RXYLT1: variants seen among roughly 807,000 people sequenced by gnomAD.
RXYLT1 encodes ribitol-5-phosphate xylosyltransferase 1.
In RXYLT1, 41 loss-of-function variants were observed where a neutral mutation model predicts 43.5. The ratio of observed to expected loss-of-function variants is 0.94; its 90% confidence interval spans 0.73 to 1.22. The LOEUF is 1.22. Ranked by LOEUF, RXYLT1 falls within the 50% of genes most tolerant of loss-of-function variation. The pLI is 0.00. For synonymous variants in RXYLT1, 166 were observed against 194.4 expected (o/e 0.85, Z 1.21); for missense variants, 514 against 532.0 (o/e 0.97, Z 0.33).
intron 5 of RXYLT1, chr12:63,805,879 AC>A (rs1338341191): frequency 1.3e-5 from 2 of 152,496 alleles, no homozygotes; most frequent in African/African-American, 4.8e-5. Flanking sequence ...CACAAAGTAG[AC>A]CTAGGATAAA....
At chr12:63,784,764 A>G (rs1184690724) in intron 2 of RXYLT1, among the ~76,000 whole-genome samples, 1 of 152,160 alleles carries the variant, frequency 6.6e-6, no homozygotes, top group African/African-American at 2.4e-5. Context: ...TTACACACTA[A>G]CAGCTTCTGA....
intron 3 of RXYLT1, among the ~76,000 whole-genome samples, chr12:63,790,926 A>G (rs557801521): frequency 3.9e-5 from 6 of 152,320 alleles, no homozygotes; most frequent in African/African-American, 1.4e-4. Context: ...AATAGTATCT[A>G]ACACACAGTA....
chr12:63,800,279 G>A (rs565181255), intron 3 of RXYLT1, among the ~76,000 whole-genome samples: 2 of 152,122 alleles, frequency 1.3e-5, no homozygotes, highest in Non-Finnish European at 2.9e-5. Flanking sequence ...AGAGTTGTTG[G>A]GGGGGTTAAT....
chr12:63,808,771 A>C lies in RXYLT1; in HGVS notation c.1011A>C (p.Glu337Asp), dbSNP rs745795273. The C allele has an allele frequency of 2.8e-5, 45 of 1,613,252 alleles. No individual in the cohort carries two copies. Among genetic ancestry groups the C allele is most frequent in the Non-Finnish European group, 3.3e-5 (39 of 1,179,928 alleles). ...TGTGCCCGGTCGGAGTAAACACAGA[A>C]TGCTATCGAATCTATGAGGCTTGCT... ...LTLCPVGVNT[E>D]CYRIYEACSY... Residue 337 changes from glutamate (E) to aspartate (D), a missense_variant, in exon 6 of 6, where the codon GAA becomes GAC. By Grantham distance (45) the Glu-to-Asp change is conservative. Transcript: ENST00000261234.
chr12:63,782,256 GA>G (rs575627781), intron 2 of RXYLT1, among the ~76,000 whole-genome samples: 285 of 152,150 alleles, frequency 1.9e-3, no homozygotes, highest in African/African-American at 6.6e-3. Context: ...CAAAAGGGGA[GA>G]AAAATTGAAG....
chr12:63,793,957 CG>C (rs1473786762), intron 3 of RXYLT1, among the ~76,000 whole-genome samples: 1 of 152,120 alleles, frequency 6.6e-6, no homozygotes, highest in African/African-American at 2.4e-5. Context: ...AGAGAAATGC[CG>C]TTGCTTGAAT....
chr12:63,799,302 CTTTTTTT>C (rs11312130), intron 3 of RXYLT1, among the ~76,000 whole-genome samples: 2 of 71,632 alleles, frequency 2.8e-5, no homozygotes, highest in African/African-American at 1.2e-4. Flanking sequence ...CTTTTCTTTT[CTTTTTTT>C]TTTTTTTTTT....
At position 63,780,018 on chromosome 12, in the gene RXYLT1, TC is replaced by T; in HGVS notation, c.61del (p.Leu21SerfsTer68). ...SFLIALYCLF[S>X]LYAAYHVFFG... ...TCTTATCGCCCTGTACTGCCTATTC[TC>T]CCTCTACGCTGCCTACCACGTCTTC... On this transcript the variant is annotated frameshift_variant, in exon 1 of 6. Coordinates refer to ENST00000261234, the MANE Select transcript of RXYLT1 (RefSeq NM_014254.3). LOFTEE classifies it high-confidence loss of function. The T allele has an allele frequency of 6.2e-7, 1 of 1,601,524 alleles. No individual in the cohort carries two copies. Among genetic ancestry groups the T allele is most frequent in the East Asian group, 2.3e-5 (1 of 44,062 alleles).
At chr12:63,805,521 C>A in intron 5 of RXYLT1, 117 bp downstream of exon 5, 1 of 978,518 alleles carries the variant, frequency 1.0e-6, no homozygotes, top group Non-Finnish European at 1.5e-6. Flanking sequence ...AATCTTTCCC[C>A]AGAAGATACA....
chr12:63,792,557 C>T (rs1205781868), intron 3 of RXYLT1, among the ~76,000 whole-genome samples: 1 of 152,192 alleles, frequency 6.6e-6, no homozygotes, highest in African/African-American at 2.4e-5. Flanking sequence ...AGTCTTGTCC[C>T]AGCTCTGCTG....
intron 4 of RXYLT1, among the ~76,000 whole-genome samples, chr12:63,803,070 C>T (rs1189846074): frequency 6.8e-6 from 1 of 148,066 alleles, no homozygotes; most frequent in Non-Finnish European, 1.5e-5. Context: ...GCCTCTAGTC[C>T]TAGCTACTCA....
At chr12:63,791,258 G>T (rs987011714) in intron 3 of RXYLT1, among the ~76,000 whole-genome samples, 1 of 151,988 alleles carries the variant, frequency 6.6e-6, no homozygotes, top group Non-Finnish European at 1.5e-5. Flanking sequence ...TCTGCTCATC[G>T]TGACTTTTGC....
intron 3 of RXYLT1, among the ~76,000 whole-genome samples, chr12:63,787,715 C>A (rs539427685): frequency 4.6e-5 from 7 of 152,094 alleles, no homozygotes; most frequent in Non-Finnish European, 5.9e-5. Context: ...GCAACTTGCG[C>A]CCCTGGGTTC....
At chr12:63,801,643 A>C (rs924499438) in intron 3 of RXYLT1, among the ~76,000 whole-genome samples, 5 of 152,066 alleles carry the variant, frequency 3.3e-5, no homozygotes, top group African/African-American at 1.2e-4. Context: ...AACATGGTGA[A>C]ACCCCATCTC....
chr12:63,783,849 T>A (rs1272113116), intron 2 of RXYLT1, among the ~76,000 whole-genome samples: 1 of 152,124 alleles, frequency 6.6e-6, no homozygotes, highest in African/African-American at 2.4e-5. Flanking sequence ...ATGTGTGGGG[T>A]CTGTGTTACT....
At position 63,805,099 on chromosome 12, in the gene RXYLT1, A is replaced by G. The variant is rs574840660; in HGVS notation, c.744-135A>G. 2.6e-5 allele frequency: 16 copies of G among 607,008 alleles called. 1 individual carries two copies. In the South Asian group the frequency reaches 8.0e-4, roughly 30 times the overall value. 37.6% of individuals were successfully genotyped at this position (607,008 alleles called of 1,614,324 possible). On this transcript the variant is annotated intron_variant, in intron 4 of 5. Coordinates refer to ENST00000261234, the MANE Select transcript of RXYLT1 (RefSeq NM_014254.3). ...AGGGAGTTTTCCAAAGTATTCATGGAAAATTACAATTTGAGATTTAGAAAT... is the reference window on the plus strand; with the variant it reads ...AGGGAGTTTTCCAAAGTATTCATGGGAAATTACAATTTGAGATTTAGAAAT...
rs763579072 is a variant in RXYLT1 at position 63,803,181 on chromosome 12, C to CAAAAAA, written c.743+801_743+806dup. ...ACAGAGTGAGATGAGACTGTCTCAC[C>CAAAAAA]AAAAAAAAAAAAAAAAAAAAAAAAA... is the stretch of plus-strand genomic sequence containing the variant. On this transcript the variant is annotated intron_variant, in intron 4 of 5. Transcript: ENST00000261234. Among the ~76,000 whole-genome samples the CAAAAAA allele has an allele frequency of 1.8e-3, 41 of 22,576 alleles. 3 individuals carry two copies. The highest frequency in any genetic ancestry group is 2.6e-3 in the African/African-American group (17 of 6,462). 14.8% of individuals were successfully genotyped at this position (22,576 alleles called of 152,430 possible). A position where few individuals can be genotyped will look rare whatever the true frequency, so the allele number is the denominator to read the frequency against.
intron 3 of RXYLT1, chr12:63,795,798 AC>A (rs1465354824): frequency 2.0e-5 from 3 of 152,110 alleles, no homozygotes; most frequent in Non-Finnish European, 2.9e-5. Flanking sequence ...ATTTAAATAT[AC>A]CCAAATTATT....
At chr12:63,783,921 A>G (rs1171191316) in intron 2 of RXYLT1, among the ~76,000 whole-genome samples, 1 of 151,814 alleles carries the variant, frequency 6.6e-6, no homozygotes, top group Non-Finnish European at 1.5e-5. Flanking sequence ...GGCTACCCGT[A>G]TTCCTTCATT....
Sources: gnomAD v4.1 joint callset for allele counts (sites outside exome capture counted in the v4.1 genomes callset) on GRCh38, gnomAD v4.1.1 for gene constraint, MANE v1.5 for transcripts, NCBI Gene and HGNC (gene_info 2026-07-23, HGNC 2026-07-21) for gene names.